Variants in AMPD3 observed in about 807,000 individuals in gnomAD.
AMPD3 encodes adenosine monophosphate deaminase 3, also known as AMP deaminase 3.
AMPD3 carries 57 observed loss-of-function variants against 82.3 expected under a neutral mutation model. The observed-to-expected ratio is 0.69, with a 90% CI of 0.56 to 0.86. The LOEUF (loss-of-function observed/expected upper bound fraction) is 0.86. AMPD3 is among the 40% of genes least tolerant of loss of function. The pLI is 0.00. For missense variants in AMPD3, 870 were observed against 1,003.8 expected (o/e 0.87, Z 1.80); for synonymous variants, 381 against 394.7 (o/e 0.97, Z 0.41).
rs1158891455 is a variant in AMPD3, at chr11:10,500,247, C to A, written c.1719C>A (p.Arg573=). The A allele has an allele frequency of 1.9e-6, 3 of 1,614,268 alleles. No homozygotes were observed. The highest frequency in any genetic ancestry group is 1.7e-6 in the Non-Finnish European group (2 of 1,180,044). The change falls in exon 11 of 15, where the codon CGC becomes CGA. Residue 573 remains arginine, a splice_region_variant and synonymous_variant. Coordinates refer to ENST00000396553, the MANE Select transcript of AMPD3 (RefSeq NM_001025389.2). ...ACATCATGGTGCTCAACAACCTCCG[C>A]AGGTGCGTGAGGCCTGCCCTCGCAC... is the stretch of plus-strand genomic sequence containing the variant. ...YANIMVLNNL[R]RERGLSTFLF... is the part of the protein sequence containing the mutation.
chr11:10,469,255 T>C (rs981694010), intron 2 of AMPD3, among the ~76,000 whole-genome samples: 11 of 149,390 alleles, frequency 7.4e-5, no homozygotes, highest in Non-Finnish European at 1.5e-4. Flanking sequence ...CTAGCAAGAC[T>C]AACAAAGAGA....
At chr11:10,504,736 G>A (rs1484895611) in intron 14 of AMPD3, 77 bp downstream of exon 14, 1 of 1,330,818 alleles carries the variant, frequency 7.5e-7, no homozygotes, top group African/African-American at 1.4e-5. Context: ...TCCAGGCACT[G>A]GGGATCTGTG....
At chr11:10,497,156 G>A (rs1391915737) in intron 10 of AMPD3, among the ~76,000 whole-genome samples, 2 of 152,130 alleles carry the variant, frequency 1.3e-5, no homozygotes, top group African/African-American at 2.4e-5. Context: ...GTGGGGGGAT[G>A]GGGGTGGTGG....
Position 10,502,748 on chromosome 11 carries a change from C to G in AMPD3, c.1870C>G (p.Leu624Val), listed in dbSNP as rs1849614563. The change falls in exon 13 of 15, where the codon CTT (leucine) becomes GTT (valine). Residue 624 changes from leucine (L) to valine (V), a missense_variant. Physicochemically the swap from Leu to Val is conservative, Grantham distance 32. Transcript: ENST00000396553. ...TCCGGTATTGCAGTATCTCTACTAC[C>G]TTGCTCAGATCCCCATTGCCATGTC... ...KSPVLQYLYYLAQIPIAMSPL... is the reference protein window; with the variant it reads ...KSPVLQYLYYVAQIPIAMSPL... 6.2e-7 allele frequency: 1 copy of G among 1,614,076 alleles called. No homozygotes were observed. Among genetic ancestry groups the G allele is most frequent in the Admixed American group, 1.7e-5 (1 of 60,004 alleles).
chr11:10,455,566 G>C, intron 1 of AMPD3, 118 bp downstream of exon 1: 1 of 476,410 alleles, frequency 2.1e-6, no homozygotes, highest in Non-Finnish European at 2.7e-6. Context: ...GCAGTCACCT[G>C]TGATGTGGGC....
At position 10,505,270 on chromosome 11, in the gene AMPD3, C is replaced by T. The variant is rs1849685668; in HGVS notation, c.2128-438C>T. On this transcript the variant is annotated intron_variant, in intron 14 of 14. Coordinates refer to ENST00000396553, the MANE Select transcript of AMPD3 (RefSeq NM_001025389.2). ...GGAAGAGGTTGCATTAGGGGCTGTG[C>T]TCGTCGGATGATGATGCAGCAGAGT... The T allele has an allele frequency of 4.1e-6, 4 of 978,160 alleles. No homozygotes were observed. In the South Asian group the frequency reaches 1.9e-4, roughly 46 times the overall value. 60.6% of individuals were successfully genotyped at this position (978,160 alleles called of 1,614,324 possible). A position where few individuals can be genotyped will look rare whatever the true frequency, so the allele number is the denominator to read the frequency against.
Position 10,505,702 on chromosome 11 carries a change from C to A in AMPD3, c.2128-6C>A. Reference sequence around the variant, plus strand: ...TAGTTTCATTTGTATTTCTCTTGGTCCACAGGAAAAGCAAAAGTTTCTGGG... The same window carrying A: ...TAGTTTCATTTGTATTTCTCTTGGTACACAGGAAAAGCAAAAGTTTCTGGG... On this transcript the variant is annotated splice_polypyrimidine_tract_variant and splice_region_variant and intron_variant, in intron 14 of 14. Coordinates refer to ENST00000396553, the MANE Select transcript of AMPD3 (RefSeq NM_001025389.2). The A allele has an allele frequency of 6.2e-7, 1 of 1,613,158 alleles. No homozygotes were observed. Among genetic ancestry groups the A allele is most frequent in the South Asian group, 1.1e-5 (1 of 91,040 alleles).
intron 2 of AMPD3, among the ~76,000 whole-genome samples, chr11:10,474,367 C>T (rs1848679835): frequency 2.0e-5 from 3 of 152,212 alleles, no homozygotes; most frequent in Admixed American, 2.0e-4. Flanking sequence ...GGGCAGTGGG[C>T]TTCAGATGGC....
chr11:10,495,706 G>T lies in AMPD3; in HGVS notation c.1403G>T (p.Arg468Leu), dbSNP rs753026219. ...CACAAGGTCTACTCTCCCAACATGC[G>T]CTGGATCATCCAGGTGCCCCGGATT... ...IQHKVYSPNM[R>L]WIIQVPRIYD... is the part of the protein sequence containing the mutation. The change falls in exon 9 of 15, where the codon CGC becomes CTC. Residue 468 changes from arginine (R) to leucine (L), a missense_variant. Physicochemically the swap from Arg to Leu is moderately radical, Grantham distance 102. Transcript: ENST00000396553. 5 of 1,614,126 alleles carry T rather than the reference G, an allele frequency of 3.1e-6. No individual in the cohort carries two copies. In the East Asian group the frequency reaches 1.1e-4, roughly 36 times the overall value.
chr11:10,460,538 C>T (rs763452515), intron 1 of AMPD3, among the ~76,000 whole-genome samples: 1 of 151,510 alleles, frequency 6.6e-6, no homozygotes, highest in Non-Finnish European at 1.5e-5. Context: ...TCCTGAGCAG[C>T]TGGGATTACA....
chr11:10,483,134 A>G (rs1338496881), intron 4 of AMPD3, among the ~76,000 whole-genome samples: 1 of 152,174 alleles, frequency 6.6e-6, no homozygotes, highest in East Asian at 1.9e-4. Context: ...TCTGGCATCT[A>G]GTGAGTGTTC....
At chr11:10,459,083 G>A (rs1222093231) in intron 1 of AMPD3, among the ~76,000 whole-genome samples, 1 of 151,972 alleles carries the variant, frequency 6.6e-6, no homozygotes, top group Non-Finnish European at 1.5e-5. Context: ...TCAAGACATG[G>A]AAATCCCCAC....
chr11:10,467,373 A>G (rs1220330618), intron 2 of AMPD3, among the ~76,000 whole-genome samples: 1 of 152,236 alleles, frequency 6.6e-6, no homozygotes, highest in African/African-American at 2.4e-5. Flanking sequence ...TGAAGCATTC[A>G]CAAGTATGAA....
intron 3 of AMPD3, chr11:10,479,789 T>A (rs1477628097): frequency 2.5e-5 from 13 of 511,558 alleles, no homozygotes; most frequent in Non-Finnish European, 3.0e-5. Context: ...CATATCAATA[T>A]ATAAAGAACT....
intron 1 of AMPD3, chr11:10,460,804 C>T: frequency 1.2e-6 from 1 of 805,742 alleles, no homozygotes; most frequent in South Asian, 5.6e-5. Flanking sequence ...ACCCAACCAA[C>T]CAAGCAGGTG....
At chr11:10,503,748 A>C (rs1263279138) in intron 13 of AMPD3, among the ~76,000 whole-genome samples, 2 of 152,178 alleles carry the variant, frequency 1.3e-5, no homozygotes, top group African/African-American at 4.8e-5. Flanking sequence ...TTAATGTCTT[A>C]ATGGAAGTCA....
rs990006741 is a variant in AMPD3 at position 10,485,101 on chromosome 11, GA to G, written c.809+63del. The G allele has an allele frequency of 1.1e-5, 17 of 1,496,944 alleles. No individual in the cohort carries two copies. In the African/African-American group the frequency reaches 2.2e-4, roughly 20 times the overall value. 92.7% of individuals were successfully genotyped at this position (1,496,944 alleles called of 1,614,324 possible). On this transcript the variant is annotated intron_variant, in intron 5 of 14. Coordinates refer to ENST00000396553, the MANE Select transcript of AMPD3 (RefSeq NM_001025389.2). ...AGGTGCTGTTCTGTAGGAAGGAGAT[GA>G]GAAAGGCCTCACCCCTCTGCCCTGG...
rs1401587999 is a variant in AMPD3, at chr11:10,505,784, C to G, written c.2204C>G (p.Ala735Gly). Residue 735 changes from alanine to glycine, a missense_variant, in exon 15 of 15, where the codon GCT becomes GGT. Physicochemically the swap from Ala to Gly is moderately conservative, Grantham distance 60. Transcript: ENST00000396553. Reference sequence around the variant, plus strand: ...AATGATATTCGAAAGACAAATGTGGCTCAGATCCGGATGGCATTCCGATAT... The same window carrying G: ...AATGATATTCGAAAGACAAATGTGGGTCAGATCCGGATGGCATTCCGATAT... ...EGNDIRKTNV[A>G]QIRMAFRYET... 2 of 1,614,074 alleles carry G rather than the reference C, an allele frequency of 1.2e-6. No individual in the cohort carries two copies. Among genetic ancestry groups the G allele is most frequent in the African/African-American group, 2.7e-5 (2 of 74,942 alleles).
chr11:10,479,823 T>A (rs1005221569), intron 3 of AMPD3: 2 of 837,428 alleles, frequency 2.4e-6, no homozygotes, highest in Admixed American at 1.2e-4. Flanking sequence ...AAAAAATATG[T>A]ACATAGTATT....
Sources: allele counts gnomAD v4.1 joint callset (sites outside exome capture counted in the v4.1 genomes callset), GRCh38; gene constraint gnomAD v4.1.1; transcripts MANE v1.5; gene names NCBI Gene and HGNC (gene_info 2026-07-23, HGNC 2026-07-21).